Variants in RYK observed in about 807,000 individuals in gnomAD.
The protein encoded by RYK is receptor like tyrosine kinase.
Under a neutral mutation model 70.2 loss-of-function variants are expected in RYK, and 21 were observed. The observed-to-expected ratio is 0.30, with a 90% CI of 0.21 to 0.43. RYK has a LOEUF of 0.43. Ranked by LOEUF, RYK falls within the 20% of genes least tolerant of loss-of-function variation. The pLI, the probability that RYK is intolerant of heterozygous loss-of-function variation, is 1.00. For synonymous variants in RYK, 267 were observed against 278.0 expected (o/e 0.96, Z 0.39); for missense variants, 604 against 753.3 (o/e 0.80, Z 2.32).
chr3:134,194,704 G>A (rs1373301334), intron 7 of RYK, among the ~76,000 whole-genome samples: 1 of 152,156 alleles, frequency 6.6e-6, no homozygotes, highest in African/African-American at 2.4e-5. Context: ...TGGCCCATAA[G>A]ACCATCAAAC....
intron 13 of RYK, among the ~76,000 whole-genome samples, chr3:134,161,164 G>A (rs1401040524): frequency 6.6e-6 from 1 of 152,176 alleles, no homozygotes; most frequent in Non-Finnish European, 1.5e-5. Context: ...ATATCGTGGG[G>A]TTTATAATAT....
intron 13 of RYK, among the ~76,000 whole-genome samples, chr3:134,163,644 C>T (rs1421416957): frequency 6.6e-6 from 1 of 152,116 alleles, no homozygotes; most frequent in East Asian, 1.9e-4. Flanking sequence ...GATGGAGCTA[C>T]TGAATTAAGA....
At chr3:134,242,273 C>G (rs1375325734) in intron 1 of RYK, among the ~76,000 whole-genome samples, 4 of 151,706 alleles carry the variant, frequency 2.6e-5, no homozygotes, top group African/African-American at 9.7e-5. Context: ...CCATTACACT[C>G]CAGCCTGGGT....
chr3:134,250,345 G>C (rs2015581055), intron 1 of RYK, 78 bp downstream of exon 1: 1 of 912,774 alleles, frequency 1.1e-6, no homozygotes, highest in Admixed American at 4.4e-5. Context: ...TCCACGGCTC[G>C]CAGACTGATC....
chr3:134,214,835 C>G (rs2014503048), intron 2 of RYK, among the ~76,000 whole-genome samples: 1 of 152,156 alleles, frequency 6.6e-6, no homozygotes, highest in Non-Finnish European at 1.5e-5. Context: ...TTTTCAACAC[C>G]CCGGCAGATC....
In RYK at chr3:134,157,571, A is replaced by T. The variant is rs1131274; in HGVS notation, c.*582T>A. ...CAGTTTGCTTCTAATAAGTATTTTT[A>T]AAAAAATTTTTTTTTCCTCTAGCTT... On this transcript the variant is annotated 3_prime_UTR_variant, in exon 15 of 15. Transcript: ENST00000623711. The T allele has an allele frequency of 0.62, 94,208 of 151,918 alleles. 29,617 individuals carry two copies. The highest frequency in any genetic ancestry group is 0.77 in the Middle Eastern group (226 of 292). 9.4% of individuals were successfully genotyped at this position (151,918 alleles called of 1,614,324 possible).
rs190418750 is a variant in RYK at position 134,234,675 on chromosome 3, C to T, written c.233-12136G>A. Among the ~76,000 whole-genome samples the T allele has an allele frequency of 2.1e-4, 32 of 152,104 alleles. No individual in the cohort carries two copies. In the Middle Eastern group the frequency reaches 0.01, roughly 49 times the overall value. ...GTACTCAGAAGGCCTCAGGAAACAC[C>T]GCAATTATGTATTCTTCCCAAAAAG... On this transcript the variant is annotated intron_variant, in intron 1 of 14. Transcript: ENST00000623711.
intron 14 of RYK, 49 bp downstream of exon 14, chr3:134,159,188 A>G (rs748722219): frequency 9.5e-6 from 15 of 1,580,602 alleles, no homozygotes; most frequent in African/African-American, 2.7e-5. Flanking sequence ...CTTTATTCCA[A>G]TATAGTAAAT....
At chr3:134,177,224 G>A (rs1411694867) in intron 11 of RYK, among the ~76,000 whole-genome samples, 2 of 152,098 alleles carry the variant, frequency 1.3e-5, no homozygotes, top group Non-Finnish European at 2.9e-5. Flanking sequence ...CACTTATTGA[G>A]AATCCCAGCT....
intron 13 of RYK, among the ~76,000 whole-genome samples, chr3:134,167,716 A>G (rs1271830670): frequency 6.6e-6 from 1 of 152,268 alleles, no homozygotes; most frequent in Non-Finnish European, 1.5e-5. Flanking sequence ...AGGCATGAGC[A>G]AGGACTTCAC....
At chr3:134,194,866 C>G (rs2013765034) in intron 7 of RYK, among the ~76,000 whole-genome samples, 2 of 152,182 alleles carry the variant, frequency 1.3e-5, no homozygotes, top group African/African-American at 4.8e-5. Flanking sequence ...AAAGCCACAC[C>G]AATTCTAGCA....
At chr3:134,185,836 C>A (rs1247158275) in intron 9 of RYK, among the ~76,000 whole-genome samples, 1 of 152,040 alleles carries the variant, frequency 6.6e-6, no homozygotes, top group Non-Finnish European at 1.5e-5. Flanking sequence ...TTACTTTTTT[C>A]AAGTTTTTAT....
intron 11 of RYK, among the ~76,000 whole-genome samples, chr3:134,177,615 T>C (rs759124133): frequency 6.6e-6 from 1 of 152,176 alleles, no homozygotes; most frequent in African/African-American, 2.4e-5. Context: ...CTGTTTCCAT[T>C]CCTAAGAGGA....
intron 1 of RYK, among the ~76,000 whole-genome samples, chr3:134,238,168 A>C (rs2015238049): frequency 6.6e-6 from 1 of 152,230 alleles, no homozygotes; most frequent in African/African-American, 2.4e-5. Flanking sequence ...AAGGAATTAA[A>C]ATATTAGACT....
intron 5 of RYK, among the ~76,000 whole-genome samples, chr3:134,204,997 G>T (rs1446365252): frequency 1.3e-5 from 2 of 152,192 alleles, no homozygotes; most frequent in Non-Finnish European, 2.9e-5. Flanking sequence ...GTGAAGATGA[G>T]AAGTAAGTGG....
rs761244653 is a variant in RYK, at chr3:134,202,683, C to T, written c.788+47G>A. ...ATGTGTATGGGCTCCCACATATATA[C>T]AAATAACTGCTTTCATTTTTTTTCT... On this transcript the variant is annotated intron_variant, in intron 6 of 14. Coordinates refer to ENST00000623711, the MANE Select transcript of RYK (RefSeq NM_002958.4). The T allele has an allele frequency of 5.7e-6, 9 of 1,579,618 alleles. No homozygotes were observed. The East Asian group carries it at 1.3e-4, about 24-fold the overall frequency.
At chr3:134,212,876 T>C (rs2014442231) in intron 2 of RYK, among the ~76,000 whole-genome samples, 1 of 152,186 alleles carries the variant, frequency 6.6e-6, no homozygotes, top group African/African-American at 2.4e-5. Context: ...ATTTAAAGTG[T>C]CTTAGCTAAA....
chr3:134,200,500 G>A (rs549246169), intron 6 of RYK, among the ~76,000 whole-genome samples: 88 of 152,220 alleles, frequency 5.8e-4, no homozygotes, highest in Admixed American at 2.6e-3. Flanking sequence ...GAGAGTCCGC[G>A]GCTTCATTCT....
At chr3:134,223,606 TAA>T (rs201690262) in intron 1 of RYK, among the ~76,000 whole-genome samples, 38 of 132,346 alleles carry the variant, frequency 2.9e-4, no homozygotes, top group Admixed American at 3.8e-4. Context: ...TTGAGAAATG[TAA>T]AAAAAAAAAA....
Sources: gnomAD v4.1 joint callset for allele counts (sites outside exome capture counted in the v4.1 genomes callset) on GRCh38, gnomAD v4.1.1 for gene constraint, MANE v1.5 for transcripts, NCBI Gene and HGNC (gene_info 2026-07-23, HGNC 2026-07-21) for gene names.